The following HIVEP1 variants were observed in gnomAD, a reference collection of about 807,000 sequenced individuals.
The protein encoded by HIVEP1 is zinc finger protein 40.
In HIVEP1, 36 loss-of-function variants were observed where a neutral mutation model predicts 180.0. The observed-to-expected ratio is 0.20, with a 90% confidence interval of 0.15 to 0.26. The LOEUF (loss-of-function observed/expected upper bound fraction) is 0.26, where lower values mean the gene tolerates loss of function less well. Among genes scored for constraint, HIVEP1 ranks in the 10% least tolerant of loss-of-function variants. The pLI, the probability that HIVEP1 is intolerant of heterozygous loss-of-function variation, is 1.00. For missense variants in HIVEP1, 3,143 were observed against 3,268.7 expected (o/e 0.96, Z 0.94); for synonymous variants, 1,239 against 1,239.0 (o/e 1.00, Z 0.00).
intron 2 of HIVEP1, among the ~76,000 whole-genome samples, chr6:12,061,287 ACCCTG>A (rs1291854224): frequency 6.6e-6 from 1 of 152,234 alleles, no homozygotes; most frequent in Admixed American, 6.5e-5. Context: ...CCAAATGTAC[ACCCTG>A]GTTATAAAAA....
At position 12,163,770 on chromosome 6, in the gene HIVEP1, C is replaced by T. The variant is rs1760563671; in HGVS notation, c.7466C>T (p.Pro2489Leu). Residue 2489 changes from proline (P) to leucine (L), a missense_variant, in exon 9 of 9, where the codon CCC becomes CTC. This residue lies in a region of HIVEP1 where 595 missense variants were observed against 602.2 expected (regional missense o/e 0.99). Coordinates refer to ENST00000379388, the MANE Select transcript of HIVEP1 (RefSeq NM_002114.4). ...NLSTPGLQSL[P>L]SLSMETVNIV... ...AGTACCCCAGGCTTGCAGTCACTCC[C>T]CTCGTTAAGCATGGAAACCGTCAAT... The T allele has an allele frequency of 1.2e-6, 2 of 1,614,174 alleles. No individual in the cohort carries two copies. The highest frequency in any genetic ancestry group is 1.1e-5 in the South Asian group (1 of 91,086).
intron 7 of HIVEP1, among the ~76,000 whole-genome samples, chr6:12,136,462 A>T (rs1758710507): frequency 6.6e-6 from 1 of 152,170 alleles, no homozygotes; most frequent in Non-Finnish European, 1.5e-5. Context: ...CTTGCAGGAA[A>T]CAATTCTTCC....
chr6:12,049,401 C>T (rs1466594642), intron 2 of HIVEP1, among the ~76,000 whole-genome samples: 2 of 152,142 alleles, frequency 1.3e-5, no homozygotes, highest in Non-Finnish European at 2.9e-5. Context: ...TGTTTTAACC[C>T]CTCAGGGAGC....
intron 2 of HIVEP1, among the ~76,000 whole-genome samples, chr6:12,078,546 G>A (rs1027275696): frequency 1.3e-5 from 2 of 151,252 alleles, no homozygotes; most frequent in Admixed American, 6.6e-5. Flanking sequence ...TACACTTAGT[G>A]GCTTAGTTTC....
Position 12,012,451 on chromosome 6 carries a change from C to T in HIVEP1, c.-219C>T, listed in dbSNP as rs1370920648. ...CAAGTGAAGGAGGGATCCCAGGCGC[C>T]GCCGCCGCCGCCGCGCGGGGGTCGC... On this transcript the variant is annotated 5_prime_UTR_variant, in exon 1 of 9. Coordinates refer to ENST00000379388, the MANE Select transcript of HIVEP1 (RefSeq NM_002114.4). 1 of 149,530 alleles carries T rather than the reference C, an allele frequency of 6.7e-6. No homozygotes were observed. The highest frequency in any genetic ancestry group is 2.4e-5 in the African/African-American group (1 of 41,102). The allele number at this position is 149,530 out of a possible 1,614,324, so 9.3% of individuals were successfully genotyped here.
chr6:12,040,399 C>A (rs2113674975), intron 2 of HIVEP1, among the ~76,000 whole-genome samples: 1 of 152,294 alleles, frequency 6.6e-6, no homozygotes, highest in East Asian at 1.9e-4. Context: ...TGCTTTCCTT[C>A]TGTCTTTAAT....
intron 2 of HIVEP1, among the ~76,000 whole-genome samples, chr6:12,020,665 G>A (rs1581507190): frequency 1.3e-5 from 2 of 152,228 alleles, no homozygotes; most frequent in Admixed American, 1.3e-4. Context: ...GAAAAGAGGT[G>A]TTACTTACTT....
upstream of HIVEP1, chr6:12,008,265 C>G (rs2113528392): frequency 6.6e-6 from 1 of 152,216 alleles, no homozygotes; most frequent in Middle Eastern, 3.4e-3. Flanking sequence ...GATTTTTATT[C>G]TTGTCTTTTC....
At chr6:12,093,273 GA>G (rs1773592150) in intron 3 of HIVEP1, among the ~76,000 whole-genome samples, 1 of 151,604 alleles carries the variant, frequency 6.6e-6, no homozygotes, top group Non-Finnish European at 1.5e-5. Context: ...AATATATTTT[GA>G]ATAACTATTC....
intron 2 of HIVEP1, among the ~76,000 whole-genome samples, chr6:12,048,443 A>G (rs974802723): frequency 1.3e-5 from 2 of 152,252 alleles, no homozygotes; most frequent in Non-Finnish European, 2.9e-5. Flanking sequence ...ACCTCTCTCC[A>G]GCAATTCTTG....
the HIVEP1 span, among the ~76,000 whole-genome samples, chr6:12,184,018 T>TAGAC: frequency 0.013 from 1,698 of 129,616 alleles, 17 homozygotes; most frequent in Non-Finnish European, 0.017. Context: ...GATAGATAGA[T>TAGAC]AGATAGACAG....
At chr6:12,054,553 G>T (rs772240967) in intron 2 of HIVEP1, among the ~76,000 whole-genome samples, 5 of 152,056 alleles carry the variant, frequency 3.3e-5, no homozygotes, top group Non-Finnish European at 5.9e-5. Context: ...TATCTTTTGG[G>T]ATGCTCCCCT....
chr6:12,048,225 G>T (rs1770265424), intron 2 of HIVEP1, among the ~76,000 whole-genome samples: 1 of 152,246 alleles, frequency 6.6e-6, no homozygotes, highest in Non-Finnish European at 1.5e-5. Flanking sequence ...CCATGGTGAA[G>T]CGTAAGGCCT....
intron 2 of HIVEP1, among the ~76,000 whole-genome samples, chr6:12,017,507 C>T (rs774280430): frequency 2.0e-5 from 3 of 152,170 alleles, no homozygotes; most frequent in Non-Finnish European, 4.4e-5. Flanking sequence ...ACAAAGCTTC[C>T]ACAGTCTGCA....
At position 12,163,658 on chromosome 6, in the gene HIVEP1, A is replaced by G. The variant is rs768020890; in HGVS notation, c.7354A>G (p.Thr2452Ala). 9.9e-6 allele frequency: 16 copies of G among 1,614,140 alleles called. No individual in the cohort carries two copies. Among genetic ancestry groups the G allele is most frequent in the Non-Finnish European group, 1.4e-5 (16 of 1,180,022 alleles). ...TACGGTCACAGAAGTGTCTGGCACT[A>G]CAAACCCTGCTGGAGTGGCTGAATT... ...RNTVTEVSGT[T>A]NPAGVAELSS... is the part of the protein sequence containing the mutation. The change falls in exon 9 of 9, where the codon ACA becomes GCA. Residue 2452 changes from threonine (T) to alanine (A), a missense_variant. By Grantham distance (58) the Thr-to-Ala change is moderately conservative. Transcript: ENST00000379388.
chr6:12,168,078 T>G (rs1206902548), downstream of HIVEP1, among the ~76,000 whole-genome samples: 1 of 59,964 alleles, frequency 1.7e-5, no homozygotes. Flanking sequence ...TATATGTGTA[T>G]ATATACATAT....
intron 7 of HIVEP1, among the ~76,000 whole-genome samples, chr6:12,157,124 C>T (rs768303532): frequency 3.3e-5 from 5 of 152,112 alleles, no homozygotes; most frequent in Admixed American, 2.0e-4. Flanking sequence ...AGTATAGTTT[C>T]TGCAGCTGTA....
intron 7 of HIVEP1, among the ~76,000 whole-genome samples, chr6:12,144,740 C>T (rs1227611889): frequency 2.0e-5 from 3 of 152,176 alleles, no homozygotes; most frequent in Non-Finnish European, 2.9e-5. Flanking sequence ...CAAAAGAAGA[C>T]ATTTATGCAG....
intron 2 of HIVEP1, among the ~76,000 whole-genome samples, chr6:12,085,182 A>C (rs534711015): frequency 1.2e-4 from 19 of 152,250 alleles, no homozygotes; most frequent in Middle Eastern, 3.4e-3. Context: ...GCTCTAGAGA[A>C]ACAGGGTTCT....
Sources: allele counts gnomAD v4.1 joint callset (sites outside exome capture counted in the v4.1 genomes callset), GRCh38; gene constraint gnomAD v4.1.1; regional missense constraint gnomAD v4.1.1; transcripts MANE v1.5; gene names NCBI Gene and HGNC (gene_info 2026-07-23, HGNC 2026-07-21).